Variants in PLA2G4C observed in about 807,000 individuals in gnomAD.
PLA2G4C encodes cytosolic phospholipase A2 gamma.
In PLA2G4C, 64 loss-of-function variants were observed where a neutral mutation model predicts 73.8. The observed-to-expected ratio is 0.87, with a 90% CI of 0.71 to 1.07. The LOEUF (loss-of-function observed/expected upper bound fraction) is 1.07, where lower values mean the gene tolerates loss of function less well. Among genes scored for constraint, PLA2G4C ranks in the 50% least tolerant of loss-of-function variants. The probability of loss-of-function intolerance (pLI) is 0.00; values close to 1 mark genes in which losing one functional copy is unlikely to be tolerated. For missense variants in PLA2G4C, 622 were observed against 665.4 expected, an observed-to-expected ratio of 0.93 and a Z score of 0.72; for synonymous variants, 254 against 252.1, an observed-to-expected ratio of 1.01 and a Z score of -0.07.
intron 14 of PLA2G4C, among the ~76,000 whole-genome samples, chr19:48,056,258 T>C (rs377381950): frequency 1.3e-5 from 2 of 152,114 alleles, no homozygotes; most frequent in East Asian, 3.9e-4. Context: ...AGAATTAAGA[T>C]CAATGCGGGC....
intron 12 of PLA2G4C, 78 bp from the exon 13 acceptor site, chr19:48,067,964 A>G: frequency 3.0e-6 from 3 of 986,078 alleles, no homozygotes; most frequent in Non-Finnish European, 4.9e-6. Flanking sequence ...TCATATGTGG[A>G]AGCCCTCATC....
At chr19:48,101,133 T>A (rs1210866538) in intron 4 of PLA2G4C, among the ~76,000 whole-genome samples, 19 of 139,422 alleles carry the variant, frequency 1.4e-4, no homozygotes, top group African/African-American at 3.0e-4. Flanking sequence ...TATATTTTTT[T>A]TTTTTTTTTT....
At chr19:48,078,716 A>G (rs532870774) in intron 10 of PLA2G4C, among the ~76,000 whole-genome samples, 1 of 152,350 alleles carries the variant, frequency 6.6e-6, no homozygotes, top group African/African-American at 2.4e-5. Flanking sequence ...GAAAGAAATC[A>G]TAGATGACAC....
At chr19:48,055,109 C>T (rs1967887535) in intron 14 of PLA2G4C, 60 bp from the exon 15 acceptor site, 2 of 1,444,608 alleles carry the variant, frequency 1.4e-6, no homozygotes, top group Admixed American at 2.3e-5. Flanking sequence ...CTCCAGAAGA[C>T]CCCTGGGGCC....
In PLA2G4C at chr19:48,095,275, A is replaced by G. The variant is rs140273611; in HGVS notation, c.709+189T>C. Among the ~76,000 whole-genome samples, 440 of 152,214 alleles carry G rather than the reference A, an allele frequency of 2.9e-3. 1 individual carries two copies. Among genetic ancestry groups the G allele is most frequent in the African/African-American group, 8.7e-3 (361 of 41,522 alleles). On this transcript the variant is annotated intron_variant, in intron 7 of 16. Coordinates refer to ENST00000599921, the MANE Select transcript of PLA2G4C (RefSeq NM_003706.3). ...AGGATATCAGGTATCTGCCGCATTA[A>G]GGAGACCTTTGAGAGACACTGAAGA...
intron 10 of PLA2G4C, among the ~76,000 whole-genome samples, chr19:48,083,136 T>G (rs2030715704): frequency 6.6e-6 from 1 of 151,964 alleles, no homozygotes; most frequent in African/African-American, 2.4e-5. Flanking sequence ...TTTCTAACAA[T>G]ACAAGACATA....
At chr19:48,053,750 A>G (rs895697280) in intron 15 of PLA2G4C, among the ~76,000 whole-genome samples, 7 of 152,074 alleles carry the variant, frequency 4.6e-5, no homozygotes, top group African/African-American at 1.4e-4. Context: ...TAACCAATAA[A>G]TGTTCGTTAA....
intron 10 of PLA2G4C, among the ~76,000 whole-genome samples, chr19:48,082,747 C>T (rs1304101468): frequency 3.3e-5 from 5 of 151,548 alleles, no homozygotes; most frequent in Admixed American, 1.3e-4. Context: ...GATCCACCCA[C>T]CTCAACCTCC....
intron 12 of PLA2G4C, among the ~76,000 whole-genome samples, chr19:48,073,732 A>G (rs1476157180): frequency 6.6e-6 from 1 of 152,030 alleles, no homozygotes; most frequent in Non-Finnish European, 1.5e-5. Flanking sequence ...GCTTCCAATC[A>G]TGATGGAAAG....
Position 48,078,549 on chromosome 19 carries a change from A to G in PLA2G4C, c.845-725T>C, listed in dbSNP as rs961037389. 4.6e-5 allele frequency among the ~76,000 whole-genome samples: 7 copies of G among 152,336 alleles called. No homozygotes were observed. In the East Asian group the frequency reaches 1.3e-3, roughly 29 times the overall value. On this transcript the variant is annotated intron_variant, in intron 10 of 16. Coordinates refer to ENST00000599921, the MANE Select transcript of PLA2G4C (RefSeq NM_003706.3). ...GGATACAAAATCAATGTACACAAACAGTAGCACTGCTATACACCAACAATG... is the reference window on the plus strand; with the variant it reads ...GGATACAAAATCAATGTACACAAACGGTAGCACTGCTATACACCAACAATG...
chr19:48,077,923 A>C, intron 10 of PLA2G4C, 99 bp from the exon 11 acceptor site: 1 of 976,790 alleles, frequency 1.0e-6, no homozygotes, highest in Non-Finnish European at 1.5e-6. Flanking sequence ...TAGAAATGGC[A>C]GCCATGGGTT....
intron 10 of PLA2G4C, among the ~76,000 whole-genome samples, chr19:48,082,779 G>A (rs1286514795): frequency 8.0e-5 from 12 of 149,802 alleles, no homozygotes; most frequent in Non-Finnish European, 1.8e-4. Flanking sequence ...GATTACAGGC[G>A]TGAGCCACTG....
rs1410008287 is a variant in PLA2G4C, at chr19:48,105,907, C to T, written c.9-463G>A. On this transcript the variant is annotated intron_variant, in intron 2 of 16. Transcript: ENST00000599921. ...CTTCTTTCCCTCCCTCCCTCCCTCC[C>T]TCCCTCCCTCCCTCCCTCCCTCCCT... 2.8e-3 allele frequency among the ~76,000 whole-genome samples: 14 copies of T among 4,928 alleles called. 1 individual carries two copies. The African/African-American group carries it at 0.044, about 15-fold the overall frequency. The allele number at this position is 4,928 out of a possible 152,430, so 3.2% of individuals were successfully genotyped here.
intron 15 of PLA2G4C, among the ~76,000 whole-genome samples, chr19:48,054,254 T>A (rs999854775): frequency 2.6e-5 from 4 of 152,256 alleles, no homozygotes; most frequent in African/African-American, 9.6e-5. Flanking sequence ...GTGGTTACCC[T>A]CATGCTGTTC....
At position 48,110,564 on chromosome 19, in the gene PLA2G4C, C is replaced by CCGGTGCGGAGGCTTGGGCTCCT. The variant is rs747330055; in HGVS notation, c.-111_-110insAGGAGCCCAAGCCTCCGCACCG. 7 of 403,702 alleles carry CCGGTGCGGAGGCTTGGGCTCCT rather than the reference C, an allele frequency of 1.7e-5. No homozygotes were observed. The highest frequency in any genetic ancestry group is 1.5e-4 in the African/African-American group (1 of 6,454). The allele number at this position is 403,702 out of a possible 1,614,324, so 25.0% of individuals were successfully genotyped here. ...AATCCGGTGCGGAGGCTTGGGCTCC[C>CCGGTGCGGAGGCTTGGGCTCCT]TGCGCTTAGCGGTGTAGTCGCTGGA... On this transcript the variant is annotated 5_prime_UTR_variant, in exon 1 of 17. Coordinates refer to ENST00000599921, the MANE Select transcript of PLA2G4C (RefSeq NM_003706.3).
intron 10 of PLA2G4C, among the ~76,000 whole-genome samples, chr19:48,083,609 G>A (rs187240575): frequency 6.6e-6 from 1 of 151,256 alleles, no homozygotes; most frequent in Non-Finnish European, 1.5e-5. Flanking sequence ...CACCACGCCC[G>A]GCTAATTTTG....
At chr19:48,061,904 G>C in intron 14 of PLA2G4C, 94 bp downstream of exon 14, 1 of 1,322,188 alleles carries the variant, frequency 7.6e-7, no homozygotes, top group African/African-American at 1.5e-5. Flanking sequence ...CCCATTGCCC[G>C]CTTCCCAGCC....
chr19:48,060,335 A>G (rs935693066), intron 14 of PLA2G4C, among the ~76,000 whole-genome samples: 2 of 152,146 alleles, frequency 1.3e-5, no homozygotes, highest in African/African-American at 4.8e-5. Flanking sequence ...GCACACTTCA[A>G]CTTGGGCCAG....
chr19:48,066,020 G>C (rs1278887022), intron 13 of PLA2G4C, among the ~76,000 whole-genome samples: 1 of 151,792 alleles, frequency 6.6e-6, no homozygotes, highest in Non-Finnish European at 1.5e-5. Flanking sequence ...CCAGGAGGCG[G>C]AGGTTGCGGT....
Sources: gnomAD v4.1 joint callset for allele counts (sites outside exome capture counted in the v4.1 genomes callset) on GRCh38, gnomAD v4.1.1 for gene constraint, MANE v1.5 for transcripts, NCBI Gene and HGNC (gene_info 2026-07-23, HGNC 2026-07-21) for gene names.